The following PCSK2 variants were observed in gnomAD, a reference collection of about 807,000 sequenced individuals.
PCSK2 encodes proprotein convertase subtilisin/kexin type 2.
Under a neutral mutation model 69.7 loss-of-function variants are expected in PCSK2, and 14 were observed. The ratio of observed to expected loss-of-function variants is 0.20; its 90% CI spans 0.13 to 0.31. The LOEUF is 0.31. PCSK2 is among the 10% of genes least tolerant of loss of function. The pLI, the probability that PCSK2 is intolerant of heterozygous loss-of-function variation, is 1.00. For missense variants in PCSK2, 544 were observed against 842.5 expected (o/e 0.65, Z 4.39); for synonymous variants, 307 against 320.7 (o/e 0.96, Z 0.46).
intron 8 of PCSK2, among the ~76,000 whole-genome samples, chr20:17,439,354 G>A (rs2032551846): frequency 6.6e-6 from 1 of 151,982 alleles, no homozygotes. Context: ...CAAACTCCGG[G>A]ACTCAAGAGA....
In PCSK2 at chr20:17,239,841, C is replaced by CTTTTTTTTT. The variant is rs869179656; in HGVS notation, c.177+12380_177+12388dup. Among the ~76,000 whole-genome samples the CTTTTTTTTT allele has an allele frequency of 3.3e-4, 23 of 68,660 alleles. 3 individuals carry two copies. Among genetic ancestry groups the CTTTTTTTTT allele is most frequent in the African/African-American group, 9.4e-4 (14 of 14,928 alleles). The allele number at this position is 68,660 out of a possible 152,430, so 45.0% of individuals were successfully genotyped here. On this transcript the variant is annotated intron_variant, in intron 1 of 11. Coordinates refer to ENST00000262545, the MANE Select transcript of PCSK2 (RefSeq NM_002594.5). ...AAAATCAAACCCCAAGGTGAAAACA[C>CTTTTTTTTT]TTTTTTTTTTTTTTTTTTTTTTTTT... is the stretch of plus-strand genomic sequence containing the variant.
At chr20:17,304,943 G>A (rs1342697624) in intron 2 of PCSK2, among the ~76,000 whole-genome samples, 8 of 152,060 alleles carry the variant, frequency 5.3e-5, no homozygotes, top group African/African-American at 7.2e-5. Flanking sequence ...CATCTGCTAC[G>A]GTTAAGCCCA....
chr20:17,265,308 A>G (rs371302217), intron 2 of PCSK2, among the ~76,000 whole-genome samples: 5 of 152,248 alleles, frequency 3.3e-5, no homozygotes, highest in African/African-American at 1.2e-4. Flanking sequence ...TAGAAATTAG[A>G]TAGTTTTAGT....
intron 2 of PCSK2, among the ~76,000 whole-genome samples, chr20:17,331,557 C>A (rs578226095): frequency 6.6e-6 from 1 of 152,150 alleles, no homozygotes; most frequent in African/African-American, 2.4e-5. Context: ...CAATGTAAGA[C>A]CCTTCCCAGG....
At chr20:17,254,748 A>G (rs1193476465) in intron 1 of PCSK2, among the ~76,000 whole-genome samples, 2 of 152,196 alleles carry the variant, frequency 1.3e-5, no homozygotes, top group African/African-American at 4.8e-5. Context: ...TTTGAAAGTA[A>G]TTGTATAGAA....
At chr20:17,334,369 G>A (rs543873995) in intron 2 of PCSK2, among the ~76,000 whole-genome samples, 1 of 152,208 alleles carries the variant, frequency 6.6e-6, no homozygotes, top group Non-Finnish European at 1.5e-5. Flanking sequence ...AATGAGCATG[G>A]TACAATGAGA....
chr20:17,421,153 T>C lies in PCSK2; in HGVS notation c.621-8282T>C, dbSNP rs113758145. 9.4e-3 allele frequency among the ~76,000 whole-genome samples: 1,430 copies of C among 152,306 alleles called. 9 individuals carry two copies. Among genetic ancestry groups the C allele is most frequent in the South Asian group, 0.015 (74 of 4,828 alleles). ...AGTGCCTGTGTTTCTGCATTGCTGA[T>C]TGAAAAAGGAGTTATAGCCAAAGAT... On this transcript the variant is annotated intron_variant, in intron 6 of 11. Transcript: ENST00000262545.
chr20:17,373,633 T>C (rs1237943363), intron 5 of PCSK2, among the ~76,000 whole-genome samples: 1 of 152,218 alleles, frequency 6.6e-6, no homozygotes, highest in Non-Finnish European at 1.5e-5. Flanking sequence ...GATTGAAAAC[T>C]CTACCCAAGG....
chr20:17,434,801 A>G (rs2032450740), intron 7 of PCSK2, among the ~76,000 whole-genome samples: 1 of 152,216 alleles, frequency 6.6e-6, no homozygotes, highest in African/African-American at 2.4e-5. Context: ...AGAGCATCTG[A>G]GCAAGTGAAC....
At chr20:17,393,321 C>A (rs969080678) in intron 5 of PCSK2, among the ~76,000 whole-genome samples, 1 of 152,114 alleles carries the variant, frequency 6.6e-6, no homozygotes, top group African/African-American at 2.4e-5. Flanking sequence ...GCAAGTATAT[C>A]TCAAGATTTT....
chr20:17,305,267 C>T (rs1204754075), intron 2 of PCSK2, among the ~76,000 whole-genome samples: 1 of 152,098 alleles, frequency 6.6e-6, no homozygotes, highest in African/African-American at 2.4e-5. Flanking sequence ...TTTTAAATAT[C>T]AGAAGATTCT....
intron 1 of PCSK2, among the ~76,000 whole-genome samples, chr20:17,256,638 T>A (rs1372370447): frequency 6.6e-6 from 1 of 152,070 alleles, no homozygotes; most frequent in African/African-American, 2.4e-5. Context: ...TTTTTTTTAA[T>A]TATACTTTAA....
At chr20:17,362,803 A>C (rs76867026) in intron 4 of PCSK2, among the ~76,000 whole-genome samples, 2,024 of 152,384 alleles carry the variant, frequency 0.013, 15 homozygotes, top group East Asian at 0.033. Flanking sequence ...AATGCATCAC[A>C]TGCTATTCCA....
intron 1 of PCSK2, among the ~76,000 whole-genome samples, chr20:17,255,980 A>T (rs994299993): frequency 2.6e-5 from 4 of 152,114 alleles, no homozygotes; most frequent in Non-Finnish European, 5.9e-5. Context: ...TCAATGAATT[A>T]GTTGGGAAGT....
rs1478774718 is a variant in PCSK2, at chr20:17,254,759, T to C, written c.178-5481T>C. On this transcript the variant is annotated intron_variant, in intron 1 of 11. Transcript: ENST00000262545. ...AGATTTTGAAAGTAATTGTATAGAA[T>C]TTACAGATAAGTTAGGGAGCATTGC... Among the ~76,000 whole-genome samples the C allele has an allele frequency of 3.9e-5, 6 of 152,332 alleles. No homozygotes were observed. The East Asian group carries it at 9.6e-4, about 24-fold the overall frequency.
At chr20:17,341,090 A>G (rs1352141945) in intron 2 of PCSK2, among the ~76,000 whole-genome samples, 1 of 152,162 alleles carries the variant, frequency 6.6e-6, no homozygotes, top group South Asian at 2.1e-4. Context: ...AAATACAAAA[A>G]TGAGCTGGGC....
chr20:17,284,814 G>A (rs1004177656), intron 2 of PCSK2, among the ~76,000 whole-genome samples: 1 of 152,186 alleles, frequency 6.6e-6, no homozygotes, highest in African/African-American at 2.4e-5. Flanking sequence ...TATGGAGTGG[G>A]CTGAAGCATG....
At chr20:17,473,342 C>T (rs6136107) in intron 11 of PCSK2, among the ~76,000 whole-genome samples, 19,072 of 152,038 alleles carry the variant, frequency 0.13, 1,152 homozygotes, top group East Asian at 0.15. Context: ...TCCGACCCCT[C>T]GGCCTCGCAA....
intron 7 of PCSK2, among the ~76,000 whole-genome samples, chr20:17,436,102 C>T (rs2032479629): frequency 6.6e-6 from 1 of 152,216 alleles, no homozygotes; most frequent in Admixed American, 6.5e-5. Flanking sequence ...AAAGGAGAGG[C>T]AGCCGTCAGA....
Sources: allele counts gnomAD v4.1 joint callset (sites outside exome capture counted in the v4.1 genomes callset), GRCh38; gene constraint gnomAD v4.1.1; transcripts MANE v1.5; gene names NCBI Gene and HGNC (gene_info 2026-07-23, HGNC 2026-07-21).